The following MARCHF1 variants were observed in gnomAD, a reference collection of about 807,000 sequenced individuals.
MARCHF1 encodes the protein membrane associated ring-CH-type finger 1.
In MARCHF1, 40 loss-of-function variants were observed where a neutral mutation model predicts 54.2. The observed-to-expected ratio is 0.74, with a 90% confidence interval of 0.57 to 0.96. The LOEUF is 0.96. Ranked by LOEUF, MARCHF1 falls within the 40% of genes least tolerant of loss-of-function variation. MARCHF1 has a pLI of 0.00. For synonymous variants in MARCHF1, 236 were observed against 236.3 expected (o/e 1.00, Z 0.01); for missense variants, 586 against 656.5 (o/e 0.89, Z 1.17).
chr4:164,206,361 C>T (rs980321669), intron 1 of MARCHF1, among the ~76,000 whole-genome samples: 1 of 152,136 alleles, frequency 6.6e-6, no homozygotes, highest in Non-Finnish European at 1.5e-5. Context: ...CTCTTGAACC[C>T]AGGAGGTGGA....
chr4:164,347,466 G>A (rs1730141448), intron 1 of MARCHF1, among the ~76,000 whole-genome samples: 1 of 152,096 alleles, frequency 6.6e-6, no homozygotes, highest in African/African-American at 2.4e-5. Context: ...CATACCCTCT[G>A]CATCATGTCA....
chr4:164,194,827 T>A (rs1351643772), intron 1 of MARCHF1, among the ~76,000 whole-genome samples: 1 of 152,080 alleles, frequency 6.6e-6, no homozygotes, highest in East Asian at 1.9e-4. Flanking sequence ...AGTTCTGGGG[T>A]GCATGTACAG....
At chr4:163,889,919 CTTTTTTCT>C (rs1384445141) in intron 3 of MARCHF1, among the ~76,000 whole-genome samples, 6 of 117,238 alleles carry the variant, frequency 5.1e-5, no homozygotes, top group East Asian at 7.6e-4. Context: ...TATTTATTTT[CTTTTTTCT>C]TTTTTTTTTT....
intron 5 of MARCHF1, among the ~76,000 whole-genome samples, chr4:163,685,975 G>A (rs1744257618): frequency 6.6e-6 from 1 of 152,200 alleles, no homozygotes; most frequent in South Asian, 2.1e-4. Context: ...TGGACTGAGG[G>A]CAAATTATTT....
chr4:163,743,603 G>C (rs754600274), intron 4 of MARCHF1, among the ~76,000 whole-genome samples: 23 of 125,506 alleles, frequency 1.8e-4, no homozygotes, highest in Admixed American at 2.8e-4. Flanking sequence ...TTTTGAGACA[G>C]AGTCTTGCTC....
chr4:164,260,858 A>G (rs1237931030), intron 1 of MARCHF1, among the ~76,000 whole-genome samples: 1 of 152,262 alleles, frequency 6.6e-6, no homozygotes, highest in Non-Finnish European at 1.5e-5. Context: ...GCACCTTTCA[A>G]AAGACTAGAG....
At chr4:163,558,200 C>T (rs1180689155) in intron 8 of MARCHF1, among the ~76,000 whole-genome samples, 1 of 151,954 alleles carries the variant, frequency 6.6e-6, no homozygotes, top group Non-Finnish European at 1.5e-5. Flanking sequence ...TCATCCGGAG[C>T]GGGGAAACAT....
At chr4:163,717,187 C>T (rs1302533857) in intron 4 of MARCHF1, among the ~76,000 whole-genome samples, 3 of 137,974 alleles carry the variant, frequency 2.2e-5, no homozygotes, top group South Asian at 2.4e-4. Context: ...TGATGTTCCT[C>T]TTCCTGTGTC....
chr4:164,115,258 A>T (rs1449427283), intron 1 of MARCHF1, among the ~76,000 whole-genome samples: 2 of 152,080 alleles, frequency 1.3e-5, no homozygotes, highest in Admixed American at 1.3e-4. Context: ...AGCAATGAGG[A>T]AACGTGAATA....
chr4:164,284,682 G>A (rs768051618), intron 1 of MARCHF1, among the ~76,000 whole-genome samples: 31 of 150,918 alleles, frequency 2.1e-4, no homozygotes, highest in Non-Finnish European at 4.6e-4. Context: ...TCCCCTCACA[G>A]ATGCCTAATT....
In MARCHF1 at chr4:163,531,162, C is replaced by T. The variant is rs375930638; in HGVS notation, c.1340-2116G>A. 1.3e-3 allele frequency among the ~76,000 whole-genome samples: 192 copies of T among 151,920 alleles called. 3 individuals are homozygous for T. The South Asian group carries it at 0.035, about 28-fold the overall frequency. On this transcript the variant is annotated intron_variant, in intron 9 of 9. Transcript: ENST00000514618. Reference sequence around the variant, plus strand: ...GACTAGCATTACCCAATACTAAATTCGGCAAAGACAATTACTATGAAGAAA... The same window carrying T: ...GACTAGCATTACCCAATACTAAATTTGGCAAAGACAATTACTATGAAGAAA...
intron 4 of MARCHF1, among the ~76,000 whole-genome samples, chr4:163,734,652 C>A (rs1308300153): frequency 6.6e-6 from 1 of 151,580 alleles, no homozygotes; most frequent in Non-Finnish European, 1.5e-5. Flanking sequence ...GAAAGCAGAT[C>A]AATAATTGCC....
chr4:163,733,177 G>GTA (rs1169850987), intron 4 of MARCHF1, among the ~76,000 whole-genome samples: 185 of 17,486 alleles, frequency 0.011, 2 homozygotes, highest in African/African-American at 0.024. Flanking sequence ...CTGTATGTGT[G>GTA]TATATATATA....
At chr4:163,893,427 C>G (rs1041239989) in intron 3 of MARCHF1, among the ~76,000 whole-genome samples, 3 of 152,160 alleles carry the variant, frequency 2.0e-5, no homozygotes, top group Admixed American at 6.6e-5. Context: ...GCGTGAGCCA[C>G]AATGCCCTAC....
At chr4:164,275,034 C>A (rs1243188957) in intron 1 of MARCHF1, among the ~76,000 whole-genome samples, 2 of 151,288 alleles carry the variant, frequency 1.3e-5, no homozygotes, top group Non-Finnish European at 2.9e-5. Flanking sequence ...TAATAAGAAA[C>A]AAGGCTAATT....
intron 1 of MARCHF1, among the ~76,000 whole-genome samples, chr4:164,195,599 T>G (rs2111063528): frequency 6.6e-6 from 1 of 152,280 alleles, no homozygotes; most frequent in Admixed American, 6.5e-5. Context: ...CTCCCTGACT[T>G]GTGCTTGGGA....
At chr4:164,190,280 A>G in intron 1 of MARCHF1, 1 of 867,678 alleles carries the variant, frequency 1.2e-6, no homozygotes, top group East Asian at 2.4e-5. Context: ...AACTCTATGG[A>G]AGTGCAAGCC....
At chr4:164,242,166 C>A (rs1437267590) in intron 1 of MARCHF1, among the ~76,000 whole-genome samples, 7 of 151,034 alleles carry the variant, frequency 4.6e-5, no homozygotes, top group African/African-American at 1.7e-4. Context: ...GGCTCCACCT[C>A]TGGGGGCAGG....
intron 2 of MARCHF1, among the ~76,000 whole-genome samples, chr4:164,089,222 AC>A (rs1560898556): frequency 6.6e-6 from 1 of 152,152 alleles, no homozygotes; most frequent in Non-Finnish European, 1.5e-5. Context: ...TCATGAAAAT[AC>A]GACATTGAAT....
Sources: gnomAD v4.1 joint callset for allele counts (sites outside exome capture counted in the v4.1 genomes callset) on GRCh38, gnomAD v4.1.1 for gene constraint, MANE v1.5 for transcripts, NCBI Gene and HGNC (gene_info 2026-07-23, HGNC 2026-07-21) for gene names.